Variants in MRPL21 observed in about 807,000 individuals in gnomAD.
MRPL21 encodes mitochondrial ribosomal protein L21.
In MRPL21, 20 loss-of-function variants were observed where a neutral mutation model predicts 27.3. The ratio of observed to expected loss-of-function variants is 0.73; its 90% CI spans 0.52 to 1.06. MRPL21 has a LOEUF of 1.06. MRPL21 is among the 50% of genes least tolerant of loss of function. The pLI is 0.00. For missense variants in MRPL21, 249 were observed against 251.4 expected (o/e 0.99, Z 0.06); for synonymous variants, 98 against 101.5 (o/e 0.97, Z 0.21).
At chr11:68,896,838 C>A (rs1166165647) in intron 3 of MRPL21, 160 bp from the exon 4 acceptor site, 3 of 827,332 alleles carry the variant, frequency 3.6e-6, no homozygotes, top group South Asian at 1.7e-5. Flanking sequence ...TGCTCCACCC[C>A]CTGCAGGCAC....
At chr11:68,902,827 C>T (rs1377444195) in intron 1 of MRPL21, among the ~76,000 whole-genome samples, 1 of 151,816 alleles carries the variant, frequency 6.6e-6, no homozygotes, top group Non-Finnish European at 1.5e-5. Flanking sequence ...AATCCTCTTA[C>T]CCCCCATGTA....
chr11:68,903,004 T>C (rs1312805370), intron 1 of MRPL21, among the ~76,000 whole-genome samples: 1 of 152,222 alleles, frequency 6.6e-6, no homozygotes, highest in African/African-American at 2.4e-5. Flanking sequence ...TATTCTACTG[T>C]ATGGATGTCC....
chr11:68,894,993 G>A (rs758128525), intron 4 of MRPL21, among the ~76,000 whole-genome samples: 2 of 152,224 alleles, frequency 1.3e-5, no homozygotes, highest in Non-Finnish European at 2.9e-5. Flanking sequence ...GGCCGGGCGT[G>A]GTGGCTCACG....
chr11:68,896,424 C>A, intron 4 of MRPL21, 91 bp downstream of exon 4: 1 of 1,491,002 alleles, frequency 6.7e-7, no homozygotes, highest in African/African-American at 1.4e-5. Context: ...ACGGGGTCGG[C>A]GAGGGTCCCT....
chr11:68,897,814 G>C, intron 3 of MRPL21, 113 bp downstream of exon 3: 1 of 753,568 alleles, frequency 1.3e-6, no homozygotes, highest in Non-Finnish European at 2.3e-6. Flanking sequence ...GCTGTGTCTG[G>C]GAGCATCTGG....
chr11:68,900,584 C>G lies in MRPL21; in HGVS notation c.110G>C (p.Arg37Pro), dbSNP rs146932385. 1 of 1,613,748 alleles carries G rather than the reference C, an allele frequency of 6.2e-7. No individual in the cohort carries two copies. Among genetic ancestry groups the G allele is most frequent in the Admixed American group, 1.7e-5 (1 of 59,984 alleles). ...PGAASLWSAS[R>P]RFNSQSTSYL... ...TGAAGTGCTCTGTGAATTGAACCTT[C>G]GAGAAGCAGACCAAAGGGAGGCTGA... is the stretch of plus-strand genomic sequence containing the variant. The change falls in exon 2 of 7, where the codon CGA becomes CCA. Residue 37 changes from arginine (R) to proline (P), a missense_variant. Coordinates refer to ENST00000362034, the MANE Select transcript of MRPL21 (RefSeq NM_181514.2).
intron 1 of MRPL21, among the ~76,000 whole-genome samples, chr11:68,901,173 A>T (rs1165928577): frequency 2.0e-5 from 3 of 152,178 alleles, no homozygotes; most frequent in Non-Finnish European, 4.4e-5. Context: ...GCCAACACCC[A>T]TGGGAACGAC....
chr11:68,898,458 T>A (rs1213399382), intron 2 of MRPL21, among the ~76,000 whole-genome samples: 1 of 152,326 alleles, frequency 6.6e-6, no homozygotes, highest in East Asian at 1.9e-4. Context: ...CTTCACCACA[T>A]CCTGCTCAAA....
chr11:68,893,757 T>G (rs73522936), intron 4 of MRPL21, among the ~76,000 whole-genome samples: 2,664 of 152,318 alleles, frequency 0.017, 84 homozygotes, highest in African/African-American at 0.059. Context: ...GTAATCCTCA[T>G]ACCAACGGTG....
intron 3 of MRPL21, 180 bp downstream of exon 3, chr11:68,897,747 A>G: frequency 1.7e-6 from 1 of 600,756 alleles, no homozygotes; most frequent in Admixed American, 3.0e-5. Context: ...TAGTTAATGA[A>G]AAACATCTGA....
intron 4 of MRPL21, among the ~76,000 whole-genome samples, chr11:68,895,213 G>A (rs145847523): frequency 0.042 from 6,365 of 151,520 alleles, 178 homozygotes; most frequent in African/African-American, 0.059. Context: ...GCAGTGAGCC[G>A]AGATTGTGCC....
chr11:68,900,500 C>T (rs1422740788), intron 2 of MRPL21, 48 bp downstream of exon 2: 1 of 1,536,336 alleles, frequency 6.5e-7, no homozygotes, highest in Admixed American at 1.7e-5. Flanking sequence ...AAAGATGGTT[C>T]TACAAATGAA....
rs1326278464 is a variant in MRPL21 at position 68,892,883 on chromosome 11, AACTT to A, written c.553+3_553+6del. 1.9e-6 allele frequency: 3 copies of A among 1,609,706 alleles called. No individual in the cohort carries two copies. Among genetic ancestry groups the A allele is most frequent in the East Asian group, 2.2e-5 (1 of 44,872 alleles). On this transcript the variant is annotated splice_donor_5th_base_variant and intron_variant, in intron 6 of 6. Transcript: ENST00000362034. ...AACAGGGCCCAGCGGTACTTTCTCT[AACTT>A]ACTTCTTTTCTTCTTGAAGTTTTTC...
intron 2 of MRPL21, among the ~76,000 whole-genome samples, chr11:68,898,971 A>G (rs1444202968): frequency 6.6e-6 from 1 of 152,168 alleles, no homozygotes; most frequent in African/African-American, 2.4e-5. Context: ...TATTTTTAGT[A>G]GAGATGGGGT....
chr11:68,894,698 A>G (rs1459422139), intron 4 of MRPL21, among the ~76,000 whole-genome samples: 2 of 152,266 alleles, frequency 1.3e-5, no homozygotes, highest in African/African-American at 4.8e-5. Flanking sequence ...AACTCAGCGG[A>G]CACGCATGTT....
At chr11:68,901,428 A>T (rs1255079960) in intron 1 of MRPL21, among the ~76,000 whole-genome samples, 1 of 152,244 alleles carries the variant, frequency 6.6e-6, no homozygotes, top group Non-Finnish European at 1.5e-5. Context: ...AAAGACATTC[A>T]ATCTACTGAG....
chr11:68,897,814 G>A, intron 3 of MRPL21, 113 bp downstream of exon 3: 1 of 753,568 alleles, frequency 1.3e-6, no homozygotes. Context: ...GCTGTGTCTG[G>A]GAGCATCTGG....
At chr11:68,897,630 T>A in intron 3 of MRPL21, 1 of 460,564 alleles carries the variant, frequency 2.2e-6, no homozygotes, top group Non-Finnish European at 3.9e-6. Flanking sequence ...CTGTGCTAAC[T>A]GGGGAGAGCT....
Position 68,892,982 on chromosome 11 carries a change from A to T in MRPL21, c.461T>A (p.Val154Asp). 1 of 1,595,542 alleles carries T rather than the reference A, an allele frequency of 6.3e-7. No homozygotes were observed. The highest frequency in any genetic ancestry group is 1.3e-5 in the African/African-American group (1 of 74,188). Residue 154 changes from valine (V) to aspartate (D), a missense_variant, in exon 6 of 7, where the codon GTT becomes GAT. Coordinates refer to ENST00000362034, the MANE Select transcript of MRPL21 (RefSeq NM_181514.2). ...TTCAATGACTGTGGCTTCTACTCGA[A>T]CAAGATCCTTTCTAGAAGGAAGAAA... The part of the protein sequence containing the change: ...LGKPLLGKDL[V>D]RVEATVIEKT...
Sources: gnomAD v4.1 joint callset for allele counts (sites outside exome capture counted in the v4.1 genomes callset) on GRCh38, gnomAD v4.1.1 for gene constraint, MANE v1.5 for transcripts, NCBI Gene and HGNC (gene_info 2026-07-23, HGNC 2026-07-21) for gene names.